The following SLC41A2 variants were observed in gnomAD, a reference collection of about 807,000 sequenced individuals.
SLC41A2 encodes solute carrier family 41 member 2, also known as SLC41A1-like 1.
SLC41A2 carries 32 observed loss-of-function variants against 58.3 expected under a neutral mutation model. The ratio of observed to expected loss-of-function variants is 0.55; its 90% CI spans 0.41 to 0.74. The LOEUF (loss-of-function observed/expected upper bound fraction) is 0.74. Ranked by LOEUF, SLC41A2 falls within the 30% of genes least tolerant of loss-of-function variation. The pLI is 0.00. For synonymous variants in SLC41A2, 190 were observed against 235.0 expected (o/e 0.81, Z 1.75); for missense variants, 514 against 680.6 (o/e 0.76, Z 2.72).
At chr12:104,939,981 A>C (rs889628644) in intron 1 of SLC41A2, among the ~76,000 whole-genome samples, 2 of 151,938 alleles carry the variant, frequency 1.3e-5, no homozygotes, top group Middle Eastern at 3.2e-3. Context: ...TTTTTTCTTA[A>C]AGTATACCTC....
chr12:104,955,869 G>C (rs1374522004), intron 1 of SLC41A2, among the ~76,000 whole-genome samples: 1 of 151,712 alleles, frequency 6.6e-6, no homozygotes, highest in Admixed American at 6.6e-5. Flanking sequence ...CTTAACTTTA[G>C]TGCCATCAAA....
chr12:104,950,761 C>G (rs1306134298), intron 1 of SLC41A2, among the ~76,000 whole-genome samples: 2 of 152,154 alleles, frequency 1.3e-5, no homozygotes, highest in Non-Finnish European at 2.9e-5. Context: ...AAGCAGTACC[C>G]ATTGAAGCAC....
At chr12:104,907,628 G>C (rs954010853) in intron 3 of SLC41A2, among the ~76,000 whole-genome samples, 1 of 152,104 alleles carries the variant, frequency 6.6e-6, no homozygotes, top group Non-Finnish European at 1.5e-5. Context: ...GTTATTTATT[G>C]GTTTTATAAA....
chr12:104,854,301 C>A (rs972548974), intron 8 of SLC41A2, among the ~76,000 whole-genome samples: 1 of 152,070 alleles, frequency 6.6e-6, no homozygotes, highest in African/African-American at 2.4e-5. Flanking sequence ...TGGTGGCTCA[C>A]GCCTGTAATC....
chr12:104,805,904 ATT>A (rs1042618556), intron 10 of SLC41A2, among the ~76,000 whole-genome samples: 2 of 152,174 alleles, frequency 1.3e-5, no homozygotes, highest in African/African-American at 4.8e-5. Context: ...AAATGGAAAT[ATT>A]TTAAAAGATT....
Position 104,803,697 on chromosome 12 carries a change from A to T in SLC41A2, c.*1455T>A, listed in dbSNP as rs1303515489. The T allele has an allele frequency of 3.3e-5, 5 of 152,174 alleles. No individual in the cohort carries two copies. The highest frequency in any genetic ancestry group is 7.4e-5 in the Non-Finnish European group (5 of 68,022). 9.4% of individuals were successfully genotyped at this position (152,174 alleles called of 1,614,324 possible). A position where few individuals can be genotyped will look rare whatever the true frequency, so the allele number is the denominator to read the frequency against. ...AAAATGGTTACCTATTCAATAACTA[A>T]GGTGTTGGTCAAGTGTTTAGAATAT... On this transcript the variant is annotated 3_prime_UTR_variant, in exon 11 of 11. Coordinates refer to ENST00000258538, the MANE Select transcript of SLC41A2 (RefSeq NM_001352171.3).
At position 104,886,369 on chromosome 12, in the gene SLC41A2, G is replaced by T; in HGVS notation, c.951C>A (p.Pro317=). 5 of 1,613,630 alleles carry T rather than the reference G, an allele frequency of 3.1e-6. No individual in the cohort carries two copies. The highest frequency in any genetic ancestry group is 4.2e-6 in the Non-Finnish European group (5 of 1,179,618). The change falls in exon 6 of 11, where the codon CCC becomes CCA. Residue 317 remains proline, a synonymous_variant. Coordinates refer to ENST00000258538, the MANE Select transcript of SLC41A2 (RefSeq NM_001352171.3). ...TAAGGTCGCCAAAACTAGCAGCAAT[G>T]GGTGTAGCAACATTATCAGGATTTA... is the stretch of plus-strand genomic sequence containing the variant. ...TGINPDNVAT[P]IAASFGDLIT... is the part of the protein sequence containing the mutation.
chr12:104,950,550 C>T (rs2047913537), intron 1 of SLC41A2, among the ~76,000 whole-genome samples: 3 of 152,088 alleles, frequency 2.0e-5, no homozygotes, highest in Non-Finnish European at 2.9e-5. Context: ...ACTGTGAGAA[C>T]GGACTAACAC....
chr12:104,856,850 C>T (rs1364770723), intron 8 of SLC41A2, among the ~76,000 whole-genome samples: 1 of 151,768 alleles, frequency 6.6e-6, no homozygotes, highest in African/African-American at 2.4e-5. Context: ...TGTAAGCCTG[C>T]CCTACAACAA....
intron 10 of SLC41A2, among the ~76,000 whole-genome samples, chr12:104,842,687 A>C (rs2042456960): frequency 6.6e-6 from 1 of 152,094 alleles, no homozygotes; most frequent in Non-Finnish European, 1.5e-5. Flanking sequence ...CATTCTAGTT[A>C]TTCAGCTTTC....
At chr12:104,894,072 T>C (rs975804313) in intron 4 of SLC41A2, among the ~76,000 whole-genome samples, 2 of 152,180 alleles carry the variant, frequency 1.3e-5, no homozygotes, top group African/African-American at 4.8e-5. Flanking sequence ...ATGTGATTGT[T>C]ATGCACTGCA....
intron 3 of SLC41A2, among the ~76,000 whole-genome samples, chr12:104,907,406 T>G (rs2045901858): frequency 6.6e-6 from 1 of 152,202 alleles, no homozygotes; most frequent in Non-Finnish European, 1.5e-5. Flanking sequence ...TGAGTTTGGC[T>G]CTACCTAAGT....
intron 3 of SLC41A2, among the ~76,000 whole-genome samples, chr12:104,909,183 C>T (rs6539171): frequency 0.71 from 107,891 of 152,066 alleles, 38,888 homozygotes; most frequent in African/African-American, 0.84. Context: ...TATATATAAG[C>T]ATAGATATGC....
At chr12:104,866,300 AG>A in intron 7 of SLC41A2, 131 bp downstream of exon 7, 2 of 1,230,832 alleles carry the variant, frequency 1.6e-6, no homozygotes, top group Non-Finnish European at 2.1e-6. Context: ...AATTAACCTA[AG>A]AAATAAAAAC....
At chr12:104,855,233 T>C (rs2042977221) in intron 8 of SLC41A2, among the ~76,000 whole-genome samples, 1 of 152,186 alleles carries the variant, frequency 6.6e-6, no homozygotes, top group South Asian at 2.1e-4. Flanking sequence ...AAAAATAATA[T>C]TTATAAAATA....
intron 2 of SLC41A2, among the ~76,000 whole-genome samples, chr12:104,910,003 T>C (rs1268050346): frequency 1.3e-5 from 2 of 152,182 alleles, no homozygotes; most frequent in African/African-American, 4.8e-5. Flanking sequence ...TACAACCCAT[T>C]CTACATCTAC....
rs189110809 is a variant in SLC41A2, at chr12:104,851,037, C to T, written c.1256-5063G>A. ...ATCACTGATATTTAACTTCTTAGAG[C>T]TTCCATTTTCTAATCTGAAAATAAG... On this transcript the variant is annotated intron_variant, in intron 8 of 10. Transcript: ENST00000258538. Among the ~76,000 whole-genome samples the T allele has an allele frequency of 1.3e-3, 194 of 152,226 alleles. 1 individual carries two copies. Among genetic ancestry groups the T allele is most frequent in the African/African-American group, 4.6e-3 (190 of 41,532 alleles).
rs532302286 is a variant in SLC41A2 at position 104,926,454 on chromosome 12, A to T, written c.555+1519T>A. 2.0e-5 allele frequency among the ~76,000 whole-genome samples: 3 copies of T among 151,994 alleles called. No homozygotes were observed. The South Asian group carries it at 6.2e-4, about 32-fold the overall frequency. ...AATACAAAAATTAGCCAGGCATGGT[A>T]GCGTGAGCCTGTGGTCCCAGCTACT... On this transcript the variant is annotated intron_variant, in intron 2 of 10. Coordinates refer to ENST00000258538, the MANE Select transcript of SLC41A2 (RefSeq NM_001352171.3).
chr12:104,949,647 G>A (rs1457884738), intron 1 of SLC41A2, among the ~76,000 whole-genome samples: 2 of 152,162 alleles, frequency 1.3e-5, no homozygotes, highest in East Asian at 1.9e-4. Context: ...GCAATGGCAC[G>A]ATCTCAGCTC....
Sources: gnomAD v4.1 joint callset for allele counts (sites outside exome capture counted in the v4.1 genomes callset) on GRCh38, gnomAD v4.1.1 for gene constraint, MANE v1.5 for transcripts, NCBI Gene and HGNC (gene_info 2026-07-23, HGNC 2026-07-21) for gene names.